The following VPS13B variants were observed in gnomAD, a reference collection of about 807,000 sequenced individuals.
The protein encoded by VPS13B is vacuolar protein sorting 13 homolog B.
A neutral mutation model predicts 426.4 loss-of-function variants in VPS13B; 285 were observed. The ratio of observed to expected loss-of-function variants is 0.67; its 90% CI spans 0.61 to 0.74. The LOEUF (loss-of-function observed/expected upper bound fraction) is 0.74, where lower values mean the gene tolerates loss of function less well. Ranked by LOEUF, VPS13B falls within the 30% of genes least tolerant of loss-of-function variation. VPS13B has a pLI of 0.00. For synonymous variants in VPS13B, 1,676 were observed against 1,676.4 expected (o/e 1.00, Z 0.01); for missense variants, 4,537 against 4,782.6 (o/e 0.95, Z 1.51).
At chr8:99,523,306 A>C (rs1301671949) in intron 30 of VPS13B, among the ~76,000 whole-genome samples, 1 of 152,216 alleles carries the variant, frequency 6.6e-6, no homozygotes, top group Non-Finnish European at 1.5e-5. Flanking sequence ...TCTGAAGGGA[A>C]GGACACAAGC....
chr8:99,059,779 C>G (rs1380595184), intron 3 of VPS13B, among the ~76,000 whole-genome samples: 1 of 133,200 alleles, frequency 7.5e-6, no homozygotes, highest in African/African-American at 2.9e-5. Flanking sequence ...GTCACCCAGG[C>G]TGCAGTGCAG....
intron 19 of VPS13B, among the ~76,000 whole-genome samples, chr8:99,308,181 AT>A (rs900059942): frequency 2.0e-4 from 30 of 147,798 alleles, no homozygotes; most frequent in South Asian, 6.4e-4. Context: ...TTTATTTTTA[AT>A]TTTTTTTTTA....
chr8:99,371,754 T>A (rs1813190377), intron 19 of VPS13B, among the ~76,000 whole-genome samples: 1 of 152,334 alleles, frequency 6.6e-6, no homozygotes, highest in Admixed American at 6.5e-5. Context: ...CCTTGAGCAG[T>A]GGTTTGTAGT....
intron 55 of VPS13B, among the ~76,000 whole-genome samples, chr8:99,851,479 C>G (rs536729681): frequency 6.6e-6 from 1 of 152,192 alleles, no homozygotes; most frequent in East Asian, 1.9e-4. Context: ...GTAAGAGGGG[C>G]TGGAAGTGCC....
intron 24 of VPS13B, among the ~76,000 whole-genome samples, chr8:99,473,500 T>C (rs553614999): frequency 2.0e-4 from 30 of 152,134 alleles, no homozygotes; most frequent in African/African-American, 7.0e-4. Flanking sequence ...AAATTACAAG[T>C]AGGAGGTAAC....
chr8:99,556,594 G>A lies in VPS13B; in HGVS notation c.4890G>A (p.Val1630=), dbSNP rs144069822. ...AGAAGGAAAGTGTCTCAGGAGGGGT[G>A]GTAACAGAGACTGAAAGGAATTCTC... ...KPEKESVSGG[V]VTETERNSQN... The change falls in exon 31 of 62, where the codon GTG becomes GTA. Residue 1630 remains valine (V), a synonymous_variant. Coordinates refer to ENST00000357162, the MANE Select transcript of VPS13B (RefSeq NM_152564.5). The A allele has an allele frequency of 9.9e-6, 16 of 1,613,054 alleles. No individual in the cohort carries two copies. The African/African-American group carries it at 1.7e-4, about 18-fold the overall frequency.
intron 19 of VPS13B, among the ~76,000 whole-genome samples, chr8:99,334,788 A>G (rs574357634): frequency 6.6e-5 from 10 of 152,092 alleles, no homozygotes; most frequent in African/African-American, 2.2e-4. Context: ...TTTTGCATCA[A>G]TGTTCATCAA....
chr8:99,321,834 A>C (rs1010050703), intron 19 of VPS13B, among the ~76,000 whole-genome samples: 1 of 152,214 alleles, frequency 6.6e-6, no homozygotes, highest in Non-Finnish European at 1.5e-5. Flanking sequence ...TTTAAACGTA[A>C]TACATATTTA....
intron 43 of VPS13B, among the ~76,000 whole-genome samples, chr8:99,785,481 T>G (rs1812212810): frequency 6.6e-6 from 1 of 152,154 alleles, no homozygotes; most frequent in South Asian, 2.1e-4. Flanking sequence ...TTAAATATAT[T>G]TAGTTCACAT....
intron 19 of VPS13B, among the ~76,000 whole-genome samples, chr8:99,276,306 A>G (rs146655197): frequency 3.6e-4 from 55 of 152,316 alleles, no homozygotes; most frequent in Non-Finnish European, 6.6e-4. Flanking sequence ...GTCTGTCAGC[A>G]TGCTTCAAAG....
chr8:99,085,400 CTT>C (rs1845721497), intron 3 of VPS13B, among the ~76,000 whole-genome samples: 1 of 152,152 alleles, frequency 6.6e-6, no homozygotes, highest in African/African-American at 2.4e-5. Flanking sequence ...GTTCTTGACT[CTT>C]TATCCGATTT....
intron 23 of VPS13B, among the ~76,000 whole-genome samples, chr8:99,454,958 T>A (rs1818377093): frequency 6.6e-6 from 1 of 152,212 alleles, no homozygotes; most frequent in South Asian, 2.1e-4. Flanking sequence ...TTTGGCCCAT[T>A]TTTAAAAATA....
chr8:99,582,367 A>T (rs903031088), intron 33 of VPS13B, among the ~76,000 whole-genome samples: 2 of 152,186 alleles, frequency 1.3e-5, no homozygotes, highest in Non-Finnish European at 2.9e-5. Flanking sequence ...TGTTTCTTCA[A>T]GTATTTATTT....
intron 33 of VPS13B, among the ~76,000 whole-genome samples, chr8:99,624,463 T>A (rs1324978935): frequency 1.3e-5 from 2 of 152,132 alleles, no homozygotes; most frequent in Non-Finnish European, 2.9e-5. Flanking sequence ...GTTGCATCAT[T>A]TTCCTGGTAG....
At chr8:99,268,068 C>T (rs1446386398) in intron 17 of VPS13B, among the ~76,000 whole-genome samples, 1 of 152,152 alleles carries the variant, frequency 6.6e-6, no homozygotes, top group Non-Finnish European at 1.5e-5. Flanking sequence ...TTGGGAGGTT[C>T]CACGTGGTAT....
At chr8:99,840,730 G>A (rs571329506) in intron 54 of VPS13B, among the ~76,000 whole-genome samples, 1 of 152,296 alleles carries the variant, frequency 6.6e-6, no homozygotes, top group Admixed American at 6.5e-5. Context: ...GGACTCAAAT[G>A]TGTAATCTGT....
chr8:99,474,839 A>G (rs1181385208), intron 24 of VPS13B, among the ~76,000 whole-genome samples: 1 of 152,184 alleles, frequency 6.6e-6, no homozygotes, highest in Non-Finnish European at 1.5e-5. Flanking sequence ...ATTTCTCCCT[A>G]TGTATTTCCT....
chr8:99,248,490 T>A (rs1817335112), intron 17 of VPS13B, among the ~76,000 whole-genome samples: 2 of 152,196 alleles, frequency 1.3e-5, no homozygotes, highest in African/African-American at 4.8e-5. Flanking sequence ...ACAATAACTC[T>A]CTTTAGGATA....
intron 2 of VPS13B, among the ~76,000 whole-genome samples, chr8:99,029,730 A>G (rs991413427): frequency 6.7e-6 from 1 of 150,270 alleles, no homozygotes. Flanking sequence ...GCAGCAGTAC[A>G]GTCCAGCTTT....
Sources: gnomAD v4.1 joint callset for allele counts (sites outside exome capture counted in the v4.1 genomes callset) on GRCh38, gnomAD v4.1.1 for gene constraint, MANE v1.5 for transcripts, NCBI Gene and HGNC (gene_info 2026-07-23, HGNC 2026-07-21) for gene names.